PTPRG: variants seen among roughly 807,000 people sequenced by gnomAD.
PTPRG encodes receptor-type tyrosine-protein phosphatase gamma.
In PTPRG, 102 loss-of-function variants were observed where a neutral mutation model predicts 165.3. That is an observed-to-expected ratio of 0.62 (90% CI 0.53 to 0.73). The LOEUF is 0.73. Ranked by LOEUF, PTPRG falls within the 30% of genes least tolerant of loss-of-function variation. The probability of loss-of-function intolerance (pLI) is 0.00; values close to 1 mark genes in which losing one functional copy is unlikely to be tolerated. For synonymous variants in PTPRG, 675 were observed against 669.5 expected (o/e 1.01, Z -0.13); for missense variants, 1,866 against 1,861.4 (o/e 1.00, Z -0.05).
chr3:61,928,469 A>G (rs2039281098), intron 2 of PTPRG, among the ~76,000 whole-genome samples: 1 of 152,186 alleles, frequency 6.6e-6, no homozygotes, highest in Non-Finnish European at 1.5e-5. Flanking sequence ...GCTTGAATTT[A>G]CTGAAAGAAA....
chr3:62,140,510 G>T (rs1402660131), intron 6 of PTPRG, among the ~76,000 whole-genome samples: 1 of 152,118 alleles, frequency 6.6e-6, no homozygotes, highest in Non-Finnish European at 1.5e-5. Context: ...TGTGAGAACA[G>T]GTCCATCCAC....
chr3:61,656,051 C>CCCT (rs1553645254), intron 1 of PTPRG, among the ~76,000 whole-genome samples: 2 of 141,442 alleles, frequency 1.4e-5, no homozygotes, highest in African/African-American at 5.2e-5. Flanking sequence ...CCCCCCCCCC[C>CCCT]CGACCATCTC....
chr3:61,935,550 G>A (rs2039465064), intron 2 of PTPRG, among the ~76,000 whole-genome samples: 1 of 152,022 alleles, frequency 6.6e-6, no homozygotes, highest in Admixed American at 6.6e-5. Context: ...AGTGTAGACA[G>A]TTTAGGCATA....
chr3:62,173,888 G>A (rs572074621), intron 8 of PTPRG, among the ~76,000 whole-genome samples: 2 of 152,154 alleles, frequency 1.3e-5, no homozygotes, highest in Non-Finnish European at 2.9e-5. Context: ...ACAAGAGGCA[G>A]GGCCCCTTAA....
chr3:62,144,548 A>G (rs1238037718), intron 6 of PTPRG, among the ~76,000 whole-genome samples: 1 of 152,248 alleles, frequency 6.6e-6, no homozygotes, highest in East Asian at 1.9e-4. Flanking sequence ...TGTTTCCAGC[A>G]TTTAATTACA....
At chr3:61,682,046 G>A (rs1703459094) in intron 1 of PTPRG, among the ~76,000 whole-genome samples, 1 of 151,610 alleles carries the variant, frequency 6.6e-6, no homozygotes, top group South Asian at 2.1e-4. Context: ...CTATATGGGA[G>A]GCTGAGGCAG....
intron 2 of PTPRG, among the ~76,000 whole-genome samples, chr3:61,913,614 G>C (rs533560936): frequency 1.4e-4 from 22 of 152,194 alleles, no homozygotes; most frequent in Non-Finnish European, 2.6e-4. Flanking sequence ...TGGTTGCTCA[G>C]AGTTTTCTAG....
At chr3:61,674,928 C>G (rs910396393) in intron 1 of PTPRG, among the ~76,000 whole-genome samples, 2 of 152,090 alleles carry the variant, frequency 1.3e-5, no homozygotes, top group Non-Finnish European at 1.5e-5. Flanking sequence ...TTTTAAATCC[C>G]CAAATCCAAC....
In PTPRG at chr3:61,801,294, G is replaced by A. The variant is rs7428926; in HGVS notation, c.190+52312G>A. On this transcript the variant is annotated intron_variant, in intron 2 of 29. Coordinates refer to ENST00000474889, the MANE Select transcript of PTPRG (RefSeq NM_002841.4). ...ACTGGGGAGGGTGGTGTGCGCACAC[G>A]CATATGTGTGTGTGTAATTTTTTTT... 9.4e-3 allele frequency among the ~76,000 whole-genome samples: 1,426 copies of A among 151,622 alleles called. 9 individuals carry two copies. The highest frequency in any genetic ancestry group is 0.016 in the Non-Finnish European group (1,098 of 67,908).
chr3:61,563,384 T>C lies in PTPRG; in HGVS notation c.85+1012T>C, dbSNP rs114923506. On this transcript the variant is annotated intron_variant, in intron 1 of 29. Coordinates refer to ENST00000474889, the MANE Select transcript of PTPRG (RefSeq NM_002841.4). The stretch of plus-strand genomic sequence containing the variant: ...CTCGGCGACCCTCCACTTCCAGCTC[T>C]CAGCTGGCAGTTCCCCCTCCTCTCT... 7.2e-3 allele frequency among the ~76,000 whole-genome samples: 1,094 copies of C among 152,138 alleles called. 18 individuals carry two copies. Among genetic ancestry groups the C allele is most frequent in the African/African-American group, 0.025 (1,030 of 41,510 alleles).
intron 2 of PTPRG, among the ~76,000 whole-genome samples, chr3:61,849,811 G>T (rs1031304940): frequency 2.0e-5 from 3 of 152,172 alleles, no homozygotes; most frequent in Non-Finnish European, 4.4e-5. Flanking sequence ...GACTTTGCTG[G>T]GAGCCATCGT....
rs553742836 is a variant in PTPRG at position 62,115,285 on chromosome 3, A to G, written c.616-17317A>G. Reference sequence around the variant, plus strand: ...CCTATTGGTTTATCTTCTCAACATTAATGCAGATGACTAGAAATCACACAT... The same window carrying G: ...CCTATTGGTTTATCTTCTCAACATTGATGCAGATGACTAGAAATCACACAT... On this transcript the variant is annotated intron_variant, in intron 5 of 29. Transcript: ENST00000474889. 2.6e-5 allele frequency among the ~76,000 whole-genome samples: 4 copies of G among 152,212 alleles called. No homozygotes were observed. The East Asian group carries it at 7.7e-4, about 29-fold the overall frequency.
chr3:62,235,241 T>C (rs1701002560), intron 14 of PTPRG, among the ~76,000 whole-genome samples: 1 of 152,188 alleles, frequency 6.6e-6, no homozygotes, highest in South Asian at 2.1e-4. Context: ...GTCAGTGCCT[T>C]AAAACTGTGG....
At chr3:61,599,893 C>G (rs540282303) in intron 1 of PTPRG, among the ~76,000 whole-genome samples, 1 of 152,044 alleles carries the variant, frequency 6.6e-6, no homozygotes, top group African/African-American at 2.4e-5. Context: ...GCAGGGTGGC[C>G]CACGCCTGTA....
chr3:62,074,214 T>TAC (rs1317329201), intron 4 of PTPRG, among the ~76,000 whole-genome samples: 158 of 151,694 alleles, frequency 1.0e-3, no homozygotes, highest in African/African-American at 3.6e-3. Context: ...TGTGTGTGTA[T>TAC]ACAGAGAGAG....
chr3:62,134,870 G>A (rs1703647159), intron 6 of PTPRG, among the ~76,000 whole-genome samples: 1 of 152,154 alleles, frequency 6.6e-6, no homozygotes, highest in Admixed American at 6.5e-5. Context: ...AAGGGAAGGA[G>A]GAACTAAAGC....
chr3:61,686,170 A>G (rs1374747734), intron 1 of PTPRG, among the ~76,000 whole-genome samples: 1 of 152,110 alleles, frequency 6.6e-6, no homozygotes, highest in Non-Finnish European at 1.5e-5. Flanking sequence ...GTGTTAGAGA[A>G]CTTAAATATT....
intron 2 of PTPRG, among the ~76,000 whole-genome samples, chr3:61,754,415 A>G (rs1163092365): frequency 2.0e-5 from 3 of 152,150 alleles, no homozygotes; most frequent in African/African-American, 4.8e-5. Flanking sequence ...GTTCATATAA[A>G]CATCTTGTTT....
In PTPRG at chr3:62,119,745, C is replaced by T. The variant is rs879470894; in HGVS notation, c.616-12857C>T. Among the ~76,000 whole-genome samples, 9 of 150,770 alleles carry T rather than the reference C, an allele frequency of 6.0e-5. 1 individual carries two copies. The highest frequency in any genetic ancestry group is 1.2e-4 in the African/African-American group (5 of 40,952). On this transcript the variant is annotated intron_variant, in intron 5 of 29. Coordinates refer to ENST00000474889, the MANE Select transcript of PTPRG (RefSeq NM_002841.4). Reference sequence around the variant, plus strand: ...AAGTAATTCTCCTGCCTCAGCCTCTCGAGTAGCTAGGACTACAGGCATGGG... The same window carrying T: ...AAGTAATTCTCCTGCCTCAGCCTCTTGAGTAGCTAGGACTACAGGCATGGG...
Sources: allele counts gnomAD v4.1 joint callset (sites outside exome capture counted in the v4.1 genomes callset), GRCh38; gene constraint gnomAD v4.1.1; transcripts MANE v1.5; gene names NCBI Gene and HGNC (gene_info 2026-07-23, HGNC 2026-07-21).